Variants in PCDH15 observed in about 807,000 individuals in gnomAD.
The protein encoded by PCDH15 is protocadherin-15.
A neutral mutation model predicts 178.5 loss-of-function variants in PCDH15; 129 were observed. The ratio of observed to expected loss-of-function variants is 0.72; its 90% CI spans 0.63 to 0.84. PCDH15 has a LOEUF of 0.84. Among genes scored for constraint, PCDH15 ranks in the 40% least tolerant of loss-of-function variants. The probability of loss-of-function intolerance (pLI) is 0.00; values close to 1 mark genes in which losing one functional copy is unlikely to be tolerated. For missense variants in PCDH15, 2,230 were observed against 2,099.9 expected, an observed-to-expected ratio of 1.06 and a Z score of -1.21; for synonymous variants, 800 against 732.0, an observed-to-expected ratio of 1.09 and a Z score of -1.50.
intron 32 of PCDH15, among the ~76,000 whole-genome samples, 172 bp from the exon 33 acceptor site, chr10:53,820,402 T>TG (rs140931191): frequency 0.041 from 6,294 of 152,098 alleles, 402 homozygotes; most frequent in African/African-American, 0.14. Context: ...GTCAAATTAT[T>TG]GAAGAAATAT....
At chr10:55,099,460 T>A (rs1259452399) in intron 2 of PCDH15, among the ~76,000 whole-genome samples, 1 of 152,030 alleles carries the variant, frequency 6.6e-6, no homozygotes, top group Non-Finnish European at 1.5e-5. Flanking sequence ...AATAAAGAAT[T>A]ATAATTATAT....
At chr10:54,496,894 A>G (rs370957486) in intron 3 of PCDH15, among the ~76,000 whole-genome samples, 5 of 152,258 alleles carry the variant, frequency 3.3e-5, no homozygotes, top group Admixed American at 2.0e-4. Flanking sequence ...CCCGTTCTGT[A>G]TTATTGTACA....
At chr10:54,073,950 A>C (rs1169398469) in intron 17 of PCDH15, among the ~76,000 whole-genome samples, 1 of 152,212 alleles carries the variant, frequency 6.6e-6, no homozygotes, top group Non-Finnish European at 1.5e-5. Context: ...CTAAAAGGAA[A>C]TCTGCTAGAT....
Position 53,827,242 on chromosome 10 carries a change from A to G in PCDH15, c.4367+151T>C, listed in dbSNP as rs1234966327. ...TATTTTTCAACTTAACCTTTCTTAG[A>G]TTTTCGTCTTAACAAATTTTCTCTT... On this transcript the variant is annotated intron_variant, in intron 32 of 37. Coordinates refer to ENST00000644397, the MANE Select transcript of PCDH15 (RefSeq NM_001384140.1). 3.4e-6 allele frequency: 4 copies of G among 1,180,186 alleles called. No individual in the cohort carries two copies. The African/African-American group carries it at 4.7e-5, about 14-fold the overall frequency. 73.1% of individuals were successfully genotyped at this position (1,180,186 alleles called of 1,614,324 possible). A position where few individuals can be genotyped will look rare whatever the true frequency, so the allele number is the denominator to read the frequency against.
Position 55,176,084 on chromosome 10 carries a change from T to C in PCDH15, c.-155-9433A>G, listed in dbSNP as rs150979520. On this transcript the variant is annotated intron_variant, in intron 1 of 5. Coordinates refer to the PCDH15 transcript ENST00000458638. ...CAGCTCCGACGACTCAGACCACCAT[T>C]ACCATCCAGGAGCCCAGGGTGATTC... is the stretch of plus-strand genomic sequence containing the variant. 5.4e-3 allele frequency among the ~76,000 whole-genome samples: 815 copies of C among 152,086 alleles called. 5 individuals carry two copies. Among genetic ancestry groups the C allele is most frequent in the Non-Finnish European group, 9.9e-3 (675 of 67,976 alleles).
intron 28 of PCDH15, among the ~76,000 whole-genome samples, chr10:53,848,542 C>A (rs2078129319): frequency 1.3e-5 from 2 of 151,912 alleles, no homozygotes; most frequent in South Asian, 4.1e-4. Context: ...ATTTCTAGAT[C>A]TTAAAATAAA....
intron 1 of PCDH15, among the ~76,000 whole-genome samples, chr10:55,221,875 T>A (rs117849361): frequency 0.058 from 8,849 of 151,448 alleles, 346 homozygotes; most frequent in Non-Finnish European, 0.09. Flanking sequence ...TATCATTATT[T>A]TTTTTTTTTG....
chr10:54,308,193 T>A (rs1177205223), intron 8 of PCDH15, among the ~76,000 whole-genome samples: 1 of 152,100 alleles, frequency 6.6e-6, no homozygotes, highest in Admixed American at 6.6e-5. Context: ...GAGTAAGCCA[T>A]CAGAGTTTCA....
intron 26 of PCDH15, among the ~76,000 whole-genome samples, chr10:53,867,750 A>C (rs2079555286): frequency 6.6e-6 from 1 of 152,158 alleles, no homozygotes; most frequent in African/African-American, 2.4e-5. Context: ...AGAACGTAGT[A>C]AAATATCTCG....
intron 8 of PCDH15, among the ~76,000 whole-genome samples, chr10:54,263,051 A>T (rs2057437222): frequency 1.3e-5 from 2 of 150,558 alleles, no homozygotes; most frequent in Admixed American, 6.6e-5. Flanking sequence ...GAAATACTGC[A>T]TTTTCTTTGT....
intron 2 of PCDH15, among the ~76,000 whole-genome samples, chr10:55,073,271 A>C (rs1267887477): frequency 6.6e-6 from 1 of 152,058 alleles, no homozygotes; most frequent in African/African-American, 2.4e-5. Flanking sequence ...GGAGAAGGAA[A>C]TAAAGGGTAT....
At chr10:54,002,100 T>C (rs1397521724) in intron 20 of PCDH15, among the ~76,000 whole-genome samples, 41 of 149,694 alleles carry the variant, frequency 2.7e-4, no homozygotes, top group African/African-American at 9.8e-4. Flanking sequence ...TATACATGTG[T>C]ATACATACAT....
At chr10:55,334,885 A>C (rs1311263941) in intron 2 of PCDH15, among the ~76,000 whole-genome samples, 3 of 152,232 alleles carry the variant, frequency 2.0e-5, no homozygotes, top group Admixed American at 6.5e-5. Flanking sequence ...TGAATGCTTT[A>C]AAACAGAACT....
intron 1 of PCDH15, among the ~76,000 whole-genome samples, chr10:55,205,985 A>C (rs1840388185): frequency 1.3e-5 from 2 of 151,896 alleles, no homozygotes; most frequent in Non-Finnish European, 2.9e-5. Flanking sequence ...AGATCCATTC[A>C]CTATCACGAG....
chr10:55,476,356 A>T (rs1416475159), intron 2 of PCDH15, among the ~76,000 whole-genome samples: 2 of 152,028 alleles, frequency 1.3e-5, no homozygotes, highest in Non-Finnish European at 2.9e-5. Context: ...CAGCAGTCAA[A>T]TGAGTCATTT....
At chr10:53,823,286 T>TTGTTGATGTTTC in intron 32 of PCDH15, 1 of 1,614,058 alleles carries the variant, frequency 6.2e-7, no homozygotes, top group Non-Finnish European at 8.5e-7. Flanking sequence ...GCATCACAAC[T>TTGTTGATGTTTC]TGTTGATGTT....
chr10:55,111,442 T>G (rs1837498430), intron 2 of PCDH15, among the ~76,000 whole-genome samples: 1 of 152,344 alleles, frequency 6.6e-6, no homozygotes, highest in African/African-American at 2.4e-5. Flanking sequence ...TTCAGGCTAA[T>G]AATTAATTGG....
At chr10:55,055,451 T>C (rs1471119402) in intron 2 of PCDH15, among the ~76,000 whole-genome samples, 2 of 152,152 alleles carry the variant, frequency 1.3e-5, no homozygotes, top group Non-Finnish European at 2.9e-5. Flanking sequence ...CCTTCGTATA[T>C]ATCCATCTGC....
intron 2 of PCDH15, among the ~76,000 whole-genome samples, chr10:54,649,600 G>C (rs780767913): frequency 3.9e-5 from 6 of 152,060 alleles, no homozygotes; most frequent in Non-Finnish European, 7.4e-5. Flanking sequence ...ATATATGAGA[G>C]ATTCAGTTAG....
Sources: gnomAD v4.1 joint callset for allele counts (sites outside exome capture counted in the v4.1 genomes callset) on GRCh38, gnomAD v4.1.1 for gene constraint, MANE v1.5 for transcripts, NCBI Gene and HGNC (gene_info 2026-07-23, HGNC 2026-07-21) for gene names.